Variants in CAMTA1 observed in about 807,000 individuals in gnomAD.
The protein encoded by CAMTA1 is calmodulin-binding transcription activator 1.
In CAMTA1, 27 loss-of-function variants were observed where a neutral mutation model predicts 170.9. That is an observed-to-expected ratio of 0.16 (90% CI 0.12 to 0.22). CAMTA1 has a LOEUF of 0.22. Among genes scored for constraint, CAMTA1 ranks in the 10% least tolerant of loss-of-function variants. The pLI, the probability that CAMTA1 is intolerant of heterozygous loss-of-function variation, is 1.00. For missense variants in CAMTA1, 1,619 were observed against 2,217.2 expected (o/e 0.73, Z 5.42); for synonymous variants, 833 against 891.5 (o/e 0.93, Z 1.17).
chr1:7,650,563 A>G (rs1411022833), intron 7 of CAMTA1, among the ~76,000 whole-genome samples: 1 of 152,106 alleles, frequency 6.6e-6, no homozygotes, highest in Non-Finnish European at 1.5e-5. Context: ...TGATGTTGGG[A>G]CGAAGCCCAT....
chr1:7,579,752 G>T lies in CAMTA1; in HGVS notation c.511-60648G>T, dbSNP rs183464231. Among the ~76,000 whole-genome samples the T allele has an allele frequency of 3.9e-4, 59 of 151,902 alleles. 1 individual carries two copies. The East Asian group carries it at 6.6e-3, about 17-fold the overall frequency. On this transcript the variant is annotated intron_variant, in intron 6 of 22. Transcript: ENST00000303635. ...TTTTTGTATTTTCAGTAGAGACGGG[G>T]TTTCACCATGTTGGTCAGGCTGGTC...
intron 4 of CAMTA1, among the ~76,000 whole-genome samples, chr1:7,244,617 C>T (rs1486214480): frequency 6.6e-6 from 1 of 152,140 alleles, no homozygotes; most frequent in Non-Finnish European, 1.5e-5. Context: ...TGGAAACCAT[C>T]ATTCTCAGCA....
At chr1:7,407,594 TG>T (rs1400378144) in intron 5 of CAMTA1, among the ~76,000 whole-genome samples, 3 of 152,214 alleles carry the variant, frequency 2.0e-5, no homozygotes, top group Non-Finnish European at 2.9e-5. Context: ...GGGTGGGTGT[TG>T]GGGGGTGACT....
chr1:7,176,447 G>A (rs779833286), intron 4 of CAMTA1, among the ~76,000 whole-genome samples: 3 of 152,168 alleles, frequency 2.0e-5, no homozygotes, highest in Non-Finnish European at 4.4e-5. Flanking sequence ...AGGGAACAAT[G>A]CCTTTATGTT....
chr1:7,116,388 G>A (rs1438108275), intron 4 of CAMTA1, among the ~76,000 whole-genome samples: 1 of 152,164 alleles, frequency 6.6e-6, no homozygotes, highest in Non-Finnish European at 1.5e-5. Context: ...AGTGTGGCCT[G>A]CTGTTTGTGG....
chr1:7,746,046 C>CTT lies in CAMTA1; in HGVS notation c.4573_4574insTT (p.Tyr1525PhefsTer26). ...TGTCTGATCATGAACAGAGAGAACT[C>CTT]TATGAGGCTGCCAGGCTTGTCCAGA... On this transcript the variant is annotated frameshift_variant, in exon 18 of 23. Coordinates refer to ENST00000303635, the MANE Select transcript of CAMTA1 (RefSeq NM_015215.4). LOFTEE classifies it high-confidence loss of function. 6.2e-7 allele frequency: 1 copy of CTT among 1,614,226 alleles called. No homozygotes were observed.
chr1:7,375,495 G>GCGGA (rs1319579742), intron 5 of CAMTA1, among the ~76,000 whole-genome samples: 2 of 152,324 alleles, frequency 1.3e-5, no homozygotes, highest in East Asian at 3.9e-4. Context: ...GGGGACTGAG[G>GCGGA]CGGACGCACA....
intron 6 of CAMTA1, among the ~76,000 whole-genome samples, chr1:7,549,135 T>G (rs2094760817): frequency 7.3e-6 from 1 of 136,456 alleles, no homozygotes; most frequent in Admixed American, 7.3e-5. Flanking sequence ...GAGATGCCCA[T>G]GGAGGTGTCC....
In CAMTA1 at chr1:7,732,148, C is replaced by T. The variant is rs2096738557; in HGVS notation, c.2915-300C>T. On this transcript the variant is annotated intron_variant, in intron 11 of 22. Transcript: ENST00000303635. The surrounding 1 kb of genome is among the most constrained non-coding windows in gnomAD (Gnocchi z 4.1). ...CTACCAGATCTCATGTCAGGGTTTC[C>T]GTTGGGGAATTTGACAAAGAAACTA... Among the ~76,000 whole-genome samples the T allele has an allele frequency of 2.0e-5, 3 of 151,738 alleles. No individual in the cohort carries two copies. In the South Asian group the frequency reaches 6.2e-4, roughly 32 times the overall value.
chr1:7,476,258 G>A (rs1176122868), intron 6 of CAMTA1, among the ~76,000 whole-genome samples: 3 of 152,192 alleles, frequency 2.0e-5, no homozygotes, highest in Non-Finnish European at 4.4e-5. Flanking sequence ...CCTGACATTT[G>A]GGCCCTTGGA....
intron 4 of CAMTA1, among the ~76,000 whole-genome samples, chr1:7,196,107 G>C (rs1379065680): frequency 6.6e-6 from 1 of 152,172 alleles, no homozygotes; most frequent in African/African-American, 2.4e-5. Context: ...GGAGGTGATT[G>C]AATCACGGGT....
At chr1:6,927,659 T>C (rs904868710) in intron 3 of CAMTA1, among the ~76,000 whole-genome samples, 5 of 152,234 alleles carry the variant, frequency 3.3e-5, no homozygotes, top group Admixed American at 1.3e-4. Context: ...TACCATGGCC[T>C]GACATCCTCA....
intron 3 of CAMTA1, among the ~76,000 whole-genome samples, chr1:6,994,748 A>T (rs1039533445): frequency 4.6e-5 from 7 of 151,780 alleles, no homozygotes; most frequent in Non-Finnish European, 1.5e-5. Context: ...GCTCACAGCA[A>T]CCTCCACCTC....
chr1:7,651,504 C>T (rs1381550564), intron 7 of CAMTA1, among the ~76,000 whole-genome samples: 1 of 152,232 alleles, frequency 6.6e-6, no homozygotes, highest in Non-Finnish European at 1.5e-5. Flanking sequence ...TTCCAGGAGC[C>T]ACCAGGGGCT....
At chr1:7,033,152 C>T (rs59561822) in intron 3 of CAMTA1, among the ~76,000 whole-genome samples, 4,168 of 152,256 alleles carry the variant, frequency 0.027, 200 homozygotes, top group African/African-American at 0.094. Flanking sequence ...TCTGTCCCAT[C>T]TTCTGCATAG....
At chr1:6,837,706 G>T (rs1233872201) in intron 3 of CAMTA1, among the ~76,000 whole-genome samples, 3 of 152,052 alleles carry the variant, frequency 2.0e-5, no homozygotes, top group Non-Finnish European at 4.4e-5. Flanking sequence ...TTTTATTTTT[G>T]TACTGTTGAG....
intron 15 of CAMTA1, 49 bp downstream of exon 15, chr1:7,737,619 T>C: frequency 3.3e-6 from 5 of 1,511,262 alleles, no homozygotes; most frequent in Non-Finnish European, 4.5e-6. Flanking sequence ...AGATCCCGTT[T>C]GCTTTCATGC....
chr1:7,090,003 A>G (rs1399662197), intron 3 of CAMTA1, among the ~76,000 whole-genome samples: 1 of 152,194 alleles, frequency 6.6e-6, no homozygotes, highest in African/African-American at 2.4e-5. Flanking sequence ...TTGCACAGTG[A>G]AGCAACTCTA....
intron 5 of CAMTA1, among the ~76,000 whole-genome samples, chr1:7,272,409 A>G (rs1303479195): frequency 6.6e-6 from 1 of 152,172 alleles, no homozygotes; most frequent in Non-Finnish European, 1.5e-5. Flanking sequence ...CCTAAAATTT[A>G]TATGGAAATA....
Sources: allele counts gnomAD v4.1 joint callset (sites outside exome capture counted in the v4.1 genomes callset), GRCh38; gene constraint gnomAD v4.1.1; non-coding constraint Gnocchi (gnomAD v3.1); transcripts MANE v1.5; gene names NCBI Gene and HGNC (gene_info 2026-07-23, HGNC 2026-07-21).